PCNT: variants seen among roughly 807,000 people sequenced by gnomAD.
The protein encoded by PCNT is kendrin.
PCNT carries 319 observed loss-of-function variants against 380.4 expected under a neutral mutation model. That is an observed-to-expected ratio of 0.84 (90% CI 0.77 to 0.92). The LOEUF (loss-of-function observed/expected upper bound fraction) is 0.92. PCNT is among the 40% of genes least tolerant of loss of function. PCNT has a pLI of 0.00. For synonymous variants in PCNT, 1,845 were observed against 1,735.2 expected (o/e 1.06, Z -1.57); for missense variants, 4,400 against 4,255.3 (o/e 1.03, Z -0.95).
chr21:46,347,141 A>T (rs2084098390), intron 5 of PCNT, 143 bp downstream of exon 5: 4 of 1,097,938 alleles, frequency 3.6e-6, no homozygotes, highest in Non-Finnish European at 5.2e-6. Flanking sequence ...GGTGTCTGGC[A>T]CCATGAGAGG....
intron 8 of PCNT, among the ~76,000 whole-genome samples, chr21:46,350,152 C>A (rs1322268154): frequency 6.6e-6 from 1 of 152,070 alleles, no homozygotes; most frequent in Non-Finnish European, 1.5e-5. Flanking sequence ...GCACTCCATC[C>A]TGGGCAACAG....
intron 15 of PCNT, among the ~76,000 whole-genome samples, chr21:46,378,831 C>T (rs1472969697): frequency 6.6e-6 from 1 of 152,206 alleles, no homozygotes; most frequent in Admixed American, 6.5e-5. Context: ...ATCATTCCCT[C>T]GTCTGCCCTT....
At chr21:46,358,200 G>A (rs781000842) in intron 13 of PCNT, among the ~76,000 whole-genome samples, 6 of 152,138 alleles carry the variant, frequency 3.9e-5, no homozygotes, top group African/African-American at 9.7e-5. Context: ...GGTCCATCCC[G>A]TGCCAGAGCA....
rs1303854937 is a variant in PCNT at position 46,324,191 on chromosome 21, C to T, written c.-38C>T. On this transcript the variant is annotated 5_prime_UTR_variant, in exon 1 of 47. Coordinates refer to ENST00000359568, the MANE Select transcript of PCNT (RefSeq NM_006031.6). ...GAGCGAAGGCTGCTCTGTGTCAGCC[C>T]CGTCACCGCCGGGCGGCCCGCGCGG... 1 of 1,583,218 alleles carries T rather than the reference C, an allele frequency of 6.3e-7. No individual in the cohort carries two copies. The highest frequency in any genetic ancestry group is 1.3e-5 in the African/African-American group (1 of 74,498).
Position 46,411,351 on chromosome 21 carries a change from G to A in PCNT, c.5278G>A (p.Val1760Met). The A allele has an allele frequency of 6.2e-7, 1 of 1,614,188 alleles. No homozygotes were observed. Among genetic ancestry groups the A allele is most frequent in the Non-Finnish European group, 8.5e-7 (1 of 1,180,046 alleles). ...CGAGCTGTCCCTCATGGGGCCTGTG[G>A]TGCACGAAGTCAGCGACAGTCAGGC... ...QHELSLMGPV[V>M]HEVSDSQAGS... The change falls in exon 28 of 47, where the codon GTG becomes ATG. Residue 1760 changes from valine (V) to methionine (M), a missense_variant. Physicochemically the swap from Val to Met is conservative, Grantham distance 21. Coordinates refer to ENST00000359568, the MANE Select transcript of PCNT (RefSeq NM_006031.6).
intron 13 of PCNT, among the ~76,000 whole-genome samples, chr21:46,359,833 C>T (rs1047755879): frequency 2.0e-5 from 3 of 151,354 alleles, no homozygotes; most frequent in African/African-American, 7.3e-5. Context: ...TGCATTTTGT[C>T]TGGTGTATCT....
chr21:46,427,743 T>TG lies in PCNT; in HGVS notation c.7448dup (p.His2484SerfsTer14), dbSNP rs947162006. 1.5e-5 allele frequency: 25 copies of TG among 1,613,754 alleles called. No individual in the cohort carries two copies. Among genetic ancestry groups the TG allele is most frequent in the South Asian group, 3.3e-5 (3 of 91,076 alleles). On this transcript the variant is annotated frameshift_variant, in exon 34 of 47. Transcript: ENST00000359568. LOFTEE classifies it high-confidence loss of function. ...CAGCCCCGACTCAGTGGCTCAGATCTGGGGGGTCACAGCTCCCTGCTCGAA... is the reference window on the plus strand; with the variant it reads ...CAGCCCCGACTCAGTGGCTCAGATCTGGGGGGGTCACAGCTCCCTGCTCGAA...
At chr21:46,371,586 A>C (rs2085128888) in intron 15 of PCNT, among the ~76,000 whole-genome samples, 1 of 152,250 alleles carries the variant, frequency 6.6e-6, no homozygotes, top group African/African-American at 2.4e-5. Context: ...CAGACTGAGT[A>C]GTCGGAATCC....
intron 7 of PCNT, 54 bp downstream of exon 7, chr21:46,349,240 A>G: frequency 7.2e-7 from 1 of 1,387,444 alleles, no homozygotes; most frequent in Non-Finnish European, 1.0e-6. Context: ...CCTAGGTAGT[A>G]CTGGAAGGAA....
chr21:46,399,898 T>C, intron 25 of PCNT, 102 bp downstream of exon 25: 3 of 962,828 alleles, frequency 3.1e-6, no homozygotes, highest in Non-Finnish European at 5.1e-6. Flanking sequence ...CCTTCTTCAC[T>C]GGCAGCCACC....
intron 3 of PCNT, among the ~76,000 whole-genome samples, chr21:46,335,597 CAAAA>C (rs397796372): frequency 7.1e-6 from 1 of 141,456 alleles, no homozygotes; most frequent in Non-Finnish European, 1.5e-5. Context: ...TTCCATCTCA[CAAAA>C]AAAAAAGCCT....
chr21:46,329,206 A>G (rs2083480282), intron 2 of PCNT, among the ~76,000 whole-genome samples: 1 of 152,240 alleles, frequency 6.6e-6, no homozygotes, highest in Non-Finnish European at 1.5e-5. Context: ...TTAACATTAG[A>G]AGGCATGGTA....
chr21:46,385,181 C>A (rs1263328065), intron 16 of PCNT, among the ~76,000 whole-genome samples: 1 of 152,142 alleles, frequency 6.6e-6, no homozygotes, highest in African/African-American at 2.4e-5. Context: ...ATAGGGAGAC[C>A]CTGTCTCTAT....
At position 46,346,214 on chromosome 21, in the gene PCNT, C is replaced by T. The variant is rs745413925; in HGVS notation, c.720+6C>T. The T allele has an allele frequency of 1.2e-6, 2 of 1,612,844 alleles. No individual in the cohort carries two copies. Among genetic ancestry groups the T allele is most frequent in the East Asian group, 2.2e-5 (1 of 44,874 alleles). ...CTGGCCTGCATCAGAGTCAGGTGAC[C>T]CGGCGGGGCCTGCACAGGCTCACAG... On this transcript the variant is annotated splice_donor_region_variant and intron_variant, in intron 4 of 46. Coordinates refer to ENST00000359568, the MANE Select transcript of PCNT (RefSeq NM_006031.6).
rs1007966952 is a variant in PCNT, at chr21:46,338,130, C to T, written c.639+3362C>T. On this transcript the variant is annotated intron_variant, in intron 3 of 46. Coordinates refer to ENST00000359568, the MANE Select transcript of PCNT (RefSeq NM_006031.6). ...TTGGGCTCAAGTGATCCTCCTGCCT[C>T]GGCCTCCAAAATGCTGGGATTACAG... 5.9e-5 allele frequency among the ~76,000 whole-genome samples: 9 copies of T among 152,080 alleles called. 1 individual carries two copies. In the South Asian group the frequency reaches 1.0e-3, roughly 18 times the overall value.
At chr21:46,389,561 G>A in intron 19 of PCNT, 130 bp downstream of exon 19, 1 of 684,674 alleles carries the variant, frequency 1.5e-6, no homozygotes, top group East Asian at 2.7e-5. Flanking sequence ...AGGCTTTTCT[G>A]AACCAGATCT....
At chr21:46,372,698 G>A (rs1210709616) in intron 15 of PCNT, among the ~76,000 whole-genome samples, 1 of 152,178 alleles carries the variant, frequency 6.6e-6, no homozygotes, top group Non-Finnish European at 1.5e-5. Flanking sequence ...TTGGTGAAGA[G>A]GGACTGCTCC....
chr21:46,440,012 C>T lies in PCNT; in HGVS notation c.9274-71C>T, dbSNP rs559976365. 5.6e-6 allele frequency: 9 copies of T among 1,597,694 alleles called. No homozygotes were observed. The African/African-American group carries it at 6.7e-5, about 12-fold the overall frequency. On this transcript the variant is annotated intron_variant, in intron 41 of 46. Transcript: ENST00000359568. ...ACATGGCCTTCTCCCTCACCTGCCC[C>T]CGGCTGCGTCTCTAAGATGCTCTTG...
At chr21:46,444,873 G>T (rs956926840) in intron 46 of PCNT, 52 bp downstream of exon 46, 1 of 1,549,032 alleles carries the variant, frequency 6.5e-7, no homozygotes, top group African/African-American at 1.4e-5. Flanking sequence ...ACTGTACCCT[G>T]GAAACGTAGG....
Sources: allele counts gnomAD v4.1 joint callset (sites outside exome capture counted in the v4.1 genomes callset), GRCh38; gene constraint gnomAD v4.1.1; transcripts MANE v1.5; gene names NCBI Gene and HGNC (gene_info 2026-07-23, HGNC 2026-07-21).